The following PLEKHD1 variants were observed in gnomAD, a reference collection of about 807,000 sequenced individuals.
PLEKHD1 encodes the protein pleckstrin homology domain-containing family D member 1.
In PLEKHD1, 51 loss-of-function variants were observed where a neutral mutation model predicts 69.2. That is an observed-to-expected ratio of 0.74 (90% CI 0.59 to 0.93). PLEKHD1 has a LOEUF of 0.93. Among genes scored for constraint, PLEKHD1 ranks in the 40% least tolerant of loss-of-function variants. The probability of loss-of-function intolerance (pLI) is 0.00; values close to 1 mark genes in which losing one functional copy is unlikely to be tolerated. For missense variants in PLEKHD1, 584 were observed against 641.0 expected (o/e 0.91, Z 0.96); for synonymous variants, 236 against 244.7 (o/e 0.96, Z 0.33).
At chr14:69,498,632 T>TCTTCTCTTCTCTTCTCTTCC (rs1882948997) in intron 1 of PLEKHD1, among the ~76,000 whole-genome samples, 1 of 150,042 alleles carries the variant, frequency 6.7e-6, no homozygotes, top group African/African-American at 2.5e-5. Context: ...TCTTCTCTTC[T>TCTTCTCTTCTCTTCTCTTCC]CTTCTCTTCT....
At chr14:69,524,450 G>C in intron 8 of PLEKHD1, 128 bp downstream of exon 8, 1 of 760,968 alleles carries the variant, frequency 1.3e-6, no homozygotes, top group Non-Finnish European at 2.2e-6. Flanking sequence ...GAGGGGTGCT[G>C]ATCTAAAGGG....
At chr14:69,523,729 G>C (rs946271455) in intron 7 of PLEKHD1, among the ~76,000 whole-genome samples, 10 of 152,170 alleles carry the variant, frequency 6.6e-5, no homozygotes, top group Non-Finnish European at 2.9e-5. Context: ...AGGTGAGTAG[G>C]ATTTTGAAAA....
intron 6 of PLEKHD1, among the ~76,000 whole-genome samples, chr14:69,517,337 AT>A (rs1230006481): frequency 6.6e-6 from 1 of 152,152 alleles, no homozygotes; most frequent in East Asian, 1.9e-4. Flanking sequence ...TGTGTTTATG[AT>A]ATCTTTGGAT....
the PLEKHD1 span, among the ~76,000 whole-genome samples, chr14:69,473,360 C>T: frequency 2.6e-5 from 4 of 152,028 alleles, no homozygotes; most frequent in East Asian, 7.8e-4. Context: ...TCCCTCTCCC[C>T]GCCCCAGCTG....
chr14:69,498,814 A>G (rs964081604), intron 1 of PLEKHD1, among the ~76,000 whole-genome samples: 3 of 151,716 alleles, frequency 2.0e-5, no homozygotes, highest in Admixed American at 2.0e-4. Context: ...CACCCAGCTA[A>G]TTTCTGTATT....
intron 6 of PLEKHD1, among the ~76,000 whole-genome samples, chr14:69,508,310 G>A (rs572013251): frequency 8.0e-4 from 122 of 151,928 alleles, no homozygotes; most frequent in African/African-American, 2.7e-3. Flanking sequence ...GGAGGCTGAG[G>A]CAGGAGAATT....
intron 1 of PLEKHD1, among the ~76,000 whole-genome samples, chr14:69,489,022 G>A (rs903151969): frequency 9.1e-5 from 12 of 131,698 alleles, no homozygotes; most frequent in South Asian, 2.5e-4. Flanking sequence ...CAGGTCACTG[G>A]GGTCGTATGA....
chr14:69,483,258 C>T (rs933428219), upstream of PLEKHD1, among the ~76,000 whole-genome samples: 2 of 151,550 alleles, frequency 1.3e-5, no homozygotes, highest in African/African-American at 4.9e-5. Flanking sequence ...GGAAGAGTAC[C>T]AGGGTGATGA....
intron 9 of PLEKHD1, 38 bp from the exon 10 acceptor site, chr14:69,526,659 G>A (rs984551068): frequency 2.8e-5 from 40 of 1,453,314 alleles, no homozygotes; most frequent in Admixed American, 5.3e-5. Context: ...CCCATTTGGC[G>A]AGTGAGCATT....
chr14:69,510,149 T>C (rs1761064567), intron 6 of PLEKHD1, among the ~76,000 whole-genome samples: 1 of 152,200 alleles, frequency 6.6e-6, no homozygotes, highest in Non-Finnish European at 1.5e-5. Flanking sequence ...CTTCCAATTT[T>C]CTCCTTCAAT....
At chr14:69,527,480 C>T in intron 11 of PLEKHD1, 148 bp downstream of exon 11, 1 of 1,206,126 alleles carries the variant, frequency 8.3e-7, no homozygotes, top group East Asian at 2.5e-5. Context: ...CAGTTACCTG[C>T]CTGCAGGCAT....
chr14:69,484,561 C>T (rs1882608914), upstream of PLEKHD1: 1 of 158,356 alleles, frequency 6.3e-6, no homozygotes, highest in Admixed American at 6.5e-5. Flanking sequence ...CCCGGCCCTC[C>T]AGCCGGCGCC....
At chr14:69,498,106 A>ATT (rs1491301174) in intron 1 of PLEKHD1, among the ~76,000 whole-genome samples, 2,265 of 141,504 alleles carry the variant, frequency 0.016, 67 homozygotes, top group African/African-American at 0.057. Flanking sequence ...ATTTTATTTT[A>ATT]GAGAGTCTTG....
chr14:69,523,267 G>A (rs1467148019), intron 7 of PLEKHD1, among the ~76,000 whole-genome samples: 1 of 152,178 alleles, frequency 6.6e-6, no homozygotes, highest in Non-Finnish European at 1.5e-5. Context: ...CACCCCAGGT[G>A]ATTCTGAGGC....
intron 12 of PLEKHD1, 35 bp from the exon 13 acceptor site, chr14:69,528,215 C>G (rs1178212008): frequency 6.5e-7 from 1 of 1,550,308 alleles, no homozygotes; most frequent in African/African-American, 1.4e-5. Context: ...GGAGGGAGCA[C>G]TGTTCACAGG....
rs1238774787 is a variant in PLEKHD1, at chr14:69,529,725, T to G, written c.*1306T>G. On this transcript the variant is annotated 3_prime_UTR_variant, in exon 13 of 13. Transcript: ENST00000322564. ...GCTGCCTCCTCTCCCTGCAGAGATT[T>G]CAGCCTGTGAAGCAATGTGACCATG... The G allele has an allele frequency of 6.6e-6, 1 of 152,182 alleles. No individual in the cohort carries two copies. The highest frequency in any genetic ancestry group is 1.5e-5 in the Non-Finnish European group (1 of 68,048). The allele number at this position is 152,182 out of a possible 1,614,324, so 9.4% of individuals were successfully genotyped here.
chr14:69,528,313 A>C lies in PLEKHD1; in HGVS notation c.1415A>C (p.Glu472Ala). The C allele has an allele frequency of 1.3e-6, 2 of 1,551,668 alleles. No homozygotes were observed. The highest frequency in any genetic ancestry group is 1.7e-6 in the Non-Finnish European group (2 of 1,146,986). The stretch of plus-strand genomic sequence containing the variant: ...GCCAACAACATGGAGGAGCTAAAGG[A>C]GGTGGCCAAGCGGCTCAGCAGGGAC... ...LDANNMEELK[E>A]VAKRLSRDQR... The change falls in exon 13 of 13, where the codon GAG (glutamate) becomes GCG (alanine). Residue 472 changes from glutamate (E) to alanine (A), a missense_variant. By Grantham distance (107) the Glu-to-Ala change is moderately radical (BLOSUM62 -1). Coordinates refer to ENST00000322564, the MANE Select transcript of PLEKHD1 (RefSeq NM_001161498.2).
At chr14:69,511,466 G>A (rs945496287) in intron 6 of PLEKHD1, among the ~76,000 whole-genome samples, 3 of 152,050 alleles carry the variant, frequency 2.0e-5, no homozygotes, top group Non-Finnish European at 4.4e-5. Flanking sequence ...ACCATTGTTG[G>A]ATTTGATTTG....
chr14:69,491,162 G>A (rs902340281), intron 1 of PLEKHD1, among the ~76,000 whole-genome samples: 2 of 152,108 alleles, frequency 1.3e-5, no homozygotes, highest in East Asian at 1.9e-4. Context: ...CAATGTACAC[G>A]GTCCTTGTTG....
Sources: allele counts gnomAD v4.1 joint callset (sites outside exome capture counted in the v4.1 genomes callset), GRCh38; gene constraint gnomAD v4.1.1; transcripts MANE v1.5; gene names NCBI Gene and HGNC (gene_info 2026-07-23, HGNC 2026-07-21).